Variants in SDK2 observed in about 807,000 individuals in gnomAD.
The protein encoded by SDK2 is protein sidekick-2.
A neutral mutation model predicts 253.9 loss-of-function variants in SDK2; 105 were observed. That is an observed-to-expected ratio of 0.41 (90% confidence interval 0.35 to 0.49). SDK2 has a LOEUF of 0.49. Among genes scored for constraint, SDK2 ranks in the 20% least tolerant of loss-of-function variants. SDK2 has a pLI of 0.06. For synonymous variants in SDK2, 1,249 were observed against 1,234.9 expected, an observed-to-expected ratio of 1.01 and a Z score of -0.24; for missense variants, 2,608 against 3,003.0, an observed-to-expected ratio of 0.87 and a Z score of 3.07.
At chr17:73,559,138 C>T (rs201709790) in intron 1 of SDK2, among the ~76,000 whole-genome samples, 2 of 152,302 alleles carry the variant, frequency 1.3e-5, no homozygotes, top group Non-Finnish European at 2.9e-5. Flanking sequence ...CCTGCCTGCA[C>T]CGGGGCCCCA....
At chr17:73,350,518 T>C (rs921798525) in intron 42 of SDK2, 132 bp downstream of exon 42, 2 of 1,406,160 alleles carry the variant, frequency 1.4e-6, no homozygotes, top group Non-Finnish European at 9.5e-7. Flanking sequence ...GTAGAAACCC[T>C]AGGCTGCCCC....
intron 2 of SDK2, among the ~76,000 whole-genome samples, chr17:73,479,013 C>T (rs553227747): frequency 5.3e-4 from 81 of 152,402 alleles, no homozygotes; most frequent in African/African-American, 1.9e-3. Flanking sequence ...TGTGCACACA[C>T]ATGCAAACTC....
chr17:73,418,391 C>G (rs946034443), intron 16 of SDK2, among the ~76,000 whole-genome samples: 1 of 152,160 alleles, frequency 6.6e-6, no homozygotes, highest in Non-Finnish European at 1.5e-5. Context: ...TGATAATTTG[C>G]ATTTCTGACC....
At chr17:73,488,592 C>CTT (rs35545969) in intron 2 of SDK2, among the ~76,000 whole-genome samples, 2 of 143,470 alleles carry the variant, frequency 1.4e-5, no homozygotes, top group African/African-American at 2.6e-5. Flanking sequence ...GGTGTTGCAA[C>CTT]TTTTTTTTTT....
intron 1 of SDK2, among the ~76,000 whole-genome samples, chr17:73,636,412 G>A (rs1389103254): frequency 2.6e-5 from 4 of 152,164 alleles, no homozygotes; most frequent in African/African-American, 9.7e-5. Context: ...GGTGAGCCAA[G>A]TGCGGCAGCT....
chr17:73,482,650 A>G (rs1274583139), intron 2 of SDK2, among the ~76,000 whole-genome samples: 3 of 152,258 alleles, frequency 2.0e-5, no homozygotes, highest in Non-Finnish European at 4.4e-5. Flanking sequence ...AGTGCTCTCA[A>G]TGAACAAGGA....
chr17:73,625,793 C>G (rs558934190), intron 1 of SDK2, among the ~76,000 whole-genome samples: 2 of 151,938 alleles, frequency 1.3e-5, no homozygotes, highest in African/African-American at 4.8e-5. Context: ...TACAGGTGCC[C>G]GCCACCACAC....
chr17:73,440,981 C>G (rs2063411263), intron 5 of SDK2, 58 bp from the exon 6 acceptor site: 1 of 1,303,576 alleles, frequency 7.7e-7, no homozygotes, highest in Non-Finnish European at 1.1e-6. Context: ...CCCTGCCCAG[C>G]CTCATTAGAG....
At chr17:73,392,426 A>ACC (rs1289246819) in intron 27 of SDK2, among the ~76,000 whole-genome samples, 3 of 151,916 alleles carry the variant, frequency 2.0e-5, no homozygotes, top group African/African-American at 7.3e-5. Flanking sequence ...GTGCCACCAC[A>ACC]CCCGGCTAAT....
intron 42 of SDK2, 61 bp downstream of exon 42, chr17:73,350,589 G>A: frequency 6.4e-7 from 1 of 1,557,994 alleles, no homozygotes. Context: ...CCCTGTTCTG[G>A]CCAAAAAGGA....
intron 1 of SDK2, among the ~76,000 whole-genome samples, chr17:73,529,925 G>T (rs903278060): frequency 2.6e-5 from 4 of 152,198 alleles, no homozygotes; most frequent in Non-Finnish European, 5.9e-5. Context: ...GAAACACATA[G>T]AGTTGTTAAC....
chr17:73,393,982 C>T (rs1029928844), intron 26 of SDK2, among the ~76,000 whole-genome samples: 2 of 152,200 alleles, frequency 1.3e-5, no homozygotes, highest in Admixed American at 6.5e-5. Flanking sequence ...CGTGGCCTCC[C>T]GGGAGAGATG....
chr17:73,419,336 C>T (rs2063209183), intron 15 of SDK2, 30 bp from the exon 16 acceptor site: 1 of 1,603,774 alleles, frequency 6.2e-7, no homozygotes, highest in South Asian at 1.1e-5. Context: ...TGCTCTTAGT[C>T]TTGGGGTCAA....
chr17:73,364,351 G>A (rs2062666390), intron 38 of SDK2, among the ~76,000 whole-genome samples: 1 of 152,138 alleles, frequency 6.6e-6, no homozygotes. Context: ...CCAGTCAGAT[G>A]AACAGGGTTA....
Position 73,435,416 on chromosome 17 carries a change from G to A in SDK2, c.1195+34C>T. The A allele has an allele frequency of 6.5e-7, 1 of 1,544,086 alleles. No homozygotes were observed. The highest frequency in any genetic ancestry group is 8.8e-7 in the Non-Finnish European group (1 of 1,139,794). ...AGAAAGCTGCGTCCTGGGAAGAGGG[G>A]CTCACGGGCAGCACAAGGGAAGGCC... On this transcript the variant is annotated intron_variant, in intron 9 of 44. Transcript: ENST00000392650. The surrounding 1 kb of genome is among the most constrained non-coding windows in gnomAD (Gnocchi z 5.7).
chr17:73,578,122 C>T (rs1286983248), intron 1 of SDK2, among the ~76,000 whole-genome samples: 4 of 149,630 alleles, frequency 2.7e-5, no homozygotes, highest in Admixed American at 2.7e-4. Context: ...TGCAATGGTG[C>T]GATCTCAGCT....
intron 18 of SDK2, 111 bp from the exon 19 acceptor site, chr17:73,402,252 C>G: frequency 8.8e-7 from 1 of 1,141,934 alleles, no homozygotes; most frequent in Non-Finnish European, 1.2e-6. Flanking sequence ...ACCGGAGTCC[C>G]TGTGGTGCCT....
At chr17:73,359,159 C>A (rs968237690) in intron 39 of SDK2, among the ~76,000 whole-genome samples, 1 of 152,002 alleles carries the variant, frequency 6.6e-6, no homozygotes, top group Non-Finnish European at 1.5e-5. Context: ...GGGAGGGAAC[C>A]AGTGCATGAG....
rs1305820385 is a variant in SDK2, at chr17:73,443,100, T to G, written c.614-2177A>C. 6.6e-6 allele frequency among the ~76,000 whole-genome samples: 1 copy of G among 152,154 alleles called. No homozygotes were observed. Among genetic ancestry groups the G allele is most frequent in the Non-Finnish European group, 1.5e-5 (1 of 68,028 alleles). On this transcript the variant is annotated intron_variant, in intron 5 of 44. Coordinates refer to ENST00000392650, the MANE Select transcript of SDK2 (RefSeq NM_001144952.2). This position sits in a 1 kb window ranked among gnomAD's most constrained non-coding sequence, Gnocchi z 4.6. ...GAGGTAGTAGGCCATGATGACATGC[T>G]GGGCCCTGCGGTGACAGTGACAGGC...
Sources: allele counts gnomAD v4.1 joint callset (sites outside exome capture counted in the v4.1 genomes callset), GRCh38; gene constraint gnomAD v4.1.1; non-coding constraint Gnocchi (gnomAD v3.1); transcripts MANE v1.5; gene names NCBI Gene and HGNC (gene_info 2026-07-23, HGNC 2026-07-21).